LIPC: variants seen among roughly 807,000 people sequenced by gnomAD.
LIPC encodes the protein hepatic triacylglycerol lipase.
LIPC carries 44 observed loss-of-function variants against 50.7 expected under a neutral mutation model. The observed-to-expected ratio is 0.87, with a 90% CI of 0.68 to 1.11. LIPC has a LOEUF of 1.11. Ranked by LOEUF, LIPC falls within the 50% of genes most tolerant of loss-of-function variation. The probability of loss-of-function intolerance (pLI) is 0.00; values close to 1 mark genes in which losing one functional copy is unlikely to be tolerated. For missense variants in LIPC, 697 were observed against 648.2 expected, an observed-to-expected ratio of 1.08 and a Z score of -0.82; for synonymous variants, 271 against 256.4, an observed-to-expected ratio of 1.06 and a Z score of -0.54.
intron 1 of LIPC, among the ~76,000 whole-genome samples, chr15:58,451,064 G>A (rs1421600197): frequency 6.6e-6 from 1 of 152,156 alleles, no homozygotes; most frequent in Non-Finnish European, 1.5e-5. Flanking sequence ...ACTGAAGGCA[G>A]GCTACCCTCC....
At chr15:58,566,791 T>C (rs1337218306) in intron 8 of LIPC, among the ~76,000 whole-genome samples, 1 of 152,148 alleles carries the variant, frequency 6.6e-6, no homozygotes, top group Non-Finnish European at 1.5e-5. Flanking sequence ...CTCATATAAA[T>C]GCAAAATAAA....
intron 1 of LIPC, among the ~76,000 whole-genome samples, chr15:58,474,236 C>T (rs977331855): frequency 2.0e-5 from 3 of 152,260 alleles, no homozygotes; most frequent in East Asian, 3.9e-4. Context: ...AAAGGCTTTA[C>T]GTGGGCCACT....
rs763029473 is a variant in LIPC, at chr15:58,536,588, C to A, written c.89-1745C>A. On this transcript the variant is annotated intron_variant, in intron 1 of 8. Coordinates refer to ENST00000299022, the MANE Select transcript of LIPC (RefSeq NM_000236.3). Reference sequence around the variant, plus strand: ...GCTGGCATAGCAGTGCAAGGTGACACCCCGGCTTCTGACTTAGACAGGAGG... The same window carrying A: ...GCTGGCATAGCAGTGCAAGGTGACAACCCGGCTTCTGACTTAGACAGGAGG... Among the ~76,000 whole-genome samples, 3 of 152,226 alleles carry A rather than the reference C, an allele frequency of 2.0e-5. No individual in the cohort carries two copies. The South Asian group carries it at 6.2e-4, about 32-fold the overall frequency.
intron 1 of LIPC, among the ~76,000 whole-genome samples, chr15:58,455,215 C>G (rs1894064008): frequency 6.6e-6 from 1 of 152,200 alleles, no homozygotes; most frequent in Non-Finnish European, 1.5e-5. Context: ...GCAAACTTTT[C>G]TCTGTAAAGG....
At chr15:58,536,315 G>A (rs1415051433) in intron 1 of LIPC, among the ~76,000 whole-genome samples, 1 of 152,144 alleles carries the variant, frequency 6.6e-6, no homozygotes. Flanking sequence ...GGAGGTGGGG[G>A]ATGAGGGATC....
rs1163290610 is a variant in LIPC, at chr15:58,560,893, A to C, written c.1081A>C (p.Ile361Leu). The C allele has an allele frequency of 7.1e-7, 1 of 1,412,446 alleles. No individual in the cohort carries two copies. Among genetic ancestry groups the C allele is most frequent in the African/African-American group, 1.4e-5 (1 of 71,678 alleles). 87.5% of individuals were successfully genotyped at this position (1,412,446 alleles called of 1,614,324 possible). Residue 361 changes from isoleucine (I) to leucine (L), a missense_variant, in exon 7 of 9, where the codon ATC becomes CTC. Transcript: ENST00000299022. ...VYHYQFKIQF[I>L]NQTETPIQTT... ...TCATTACCAGTTCAAGATCCAGTTC[A>C]TCAACCAAACTGAGACACCAATACA... is the stretch of plus-strand genomic sequence containing the variant.
intron 8 of LIPC, chr15:58,565,399 C>A: frequency 6.8e-7 from 1 of 1,479,074 alleles, no homozygotes; most frequent in Non-Finnish European, 8.9e-7. Flanking sequence ...CACAACACTA[C>A]CTTCTCCACT....
intron 1 of LIPC, chr15:58,435,457 G>A (rs1220336394): frequency 6.9e-5 from 9 of 130,688 alleles, no homozygotes; most frequent in African/African-American, 2.5e-4. Context: ...CACCTTGCAG[G>A]AATTTACAGT....
chr15:58,508,743 T>C (rs563312211), intron 1 of LIPC, among the ~76,000 whole-genome samples: 1 of 152,170 alleles, frequency 6.6e-6, no homozygotes, highest in South Asian at 2.1e-4. Context: ...TGGACACCTT[T>C]TCCTCCGCAT....
At chr15:58,439,566 C>T (rs2140638642) in intron 1 of LIPC, among the ~76,000 whole-genome samples, 1 of 152,300 alleles carries the variant, frequency 6.6e-6, no homozygotes, top group East Asian at 1.9e-4. Context: ...GCCTCAGCCT[C>T]CTGAGTAGCC....
intron 1 of LIPC, among the ~76,000 whole-genome samples, chr15:58,488,457 A>G (rs1390294786): frequency 1.3e-5 from 2 of 152,222 alleles, no homozygotes; most frequent in Non-Finnish European, 2.9e-5. Context: ...GGTGTTTGGA[A>G]GAGTCATTCT....
intron 1 of LIPC, among the ~76,000 whole-genome samples, chr15:58,446,649 T>C (rs144394045): frequency 5.8e-4 from 89 of 152,226 alleles, no homozygotes; most frequent in African/African-American, 2.0e-3. Context: ...CTCTCTCCCA[T>C]GGCGCTGGCT....
intron 1 of LIPC, among the ~76,000 whole-genome samples, chr15:58,472,767 T>G (rs1890855737): frequency 6.6e-6 from 1 of 152,168 alleles, no homozygotes; most frequent in Admixed American, 6.5e-5. Flanking sequence ...GGGCTAAGCA[T>G]TGTACTCACC....
chr15:58,492,680 C>T (rs1417999148), intron 1 of LIPC, among the ~76,000 whole-genome samples: 2 of 152,188 alleles, frequency 1.3e-5, no homozygotes, highest in African/African-American at 2.4e-5. Flanking sequence ...AAAACCAAAT[C>T]TAGGGCTCTG....
rs780267766 is a variant in LIPC, at chr15:58,432,110, C to A, written c.78C>A (p.Ser26Arg). Residue 26 changes from serine (S) to arginine (R), a missense_variant, in exon 1 of 9, where the codon AGC becomes AGA. By Grantham distance (110) the Ser-to-Arg change is moderately radical. Transcript: ENST00000299022. Reference protein sequence around the residue: ...IFIQSSALGQSLKPEPFGRRA... With the variant: ...IFIQSSALGQRLKPEPFGRRA... ...TCCAATCAAGTGCCCTTGGACAAAG[C>A]CTGAAACCAGGTAAGAGCCTGACTT... The A allele has an allele frequency of 1.1e-5, 18 of 1,612,044 alleles. No homozygotes were observed. The highest frequency in any genetic ancestry group is 1.5e-5 in the Non-Finnish European group (18 of 1,178,296).
chr15:58,477,977 G>C (rs916625200), intron 1 of LIPC, among the ~76,000 whole-genome samples: 29 of 151,874 alleles, frequency 1.9e-4, no homozygotes, highest in African/African-American at 6.8e-4. Context: ...CTCCAGCCAG[G>C]GGGACGTGCA....
intron 6 of LIPC, among the ~76,000 whole-genome samples, chr15:58,555,328 T>C (rs972064418): frequency 2.0e-5 from 3 of 152,090 alleles, no homozygotes; most frequent in African/African-American, 4.8e-5. Flanking sequence ...GTGGCAGCGA[T>C]AGCCCAGGAT....
chr15:58,450,117 C>A (rs1008174226), intron 1 of LIPC, among the ~76,000 whole-genome samples: 1 of 152,148 alleles, frequency 6.6e-6, no homozygotes, highest in Non-Finnish European at 1.5e-5. Context: ...GAGTCAAGAC[C>A]CCCAAGGAGC....
chr15:58,460,661 C>CA (rs1894314147), intron 1 of LIPC, among the ~76,000 whole-genome samples: 1 of 152,194 alleles, frequency 6.6e-6, no homozygotes, highest in Non-Finnish European at 1.5e-5. Context: ...GGCTGGGCTG[C>CA]AAACTCAATG....
Sources: allele counts gnomAD v4.1 joint callset (sites outside exome capture counted in the v4.1 genomes callset), GRCh38; gene constraint gnomAD v4.1.1; transcripts MANE v1.5; gene names NCBI Gene and HGNC (gene_info 2026-07-23, HGNC 2026-07-21).